The following IGDCC3 variants were observed in gnomAD, a reference collection of about 807,000 sequenced individuals.
IGDCC3 encodes putative neuronal cell adhesion molecule.
Under a neutral mutation model 72.0 loss-of-function variants are expected in IGDCC3, and 47 were observed. The observed-to-expected ratio is 0.65, with a 90% CI of 0.52 to 0.83. The LOEUF is 0.83. Among genes scored for constraint, IGDCC3 ranks in the 40% least tolerant of loss-of-function variants. The pLI is 0.00. For missense variants in IGDCC3, 1,038 were observed against 1,091.3 expected, an observed-to-expected ratio of 0.95 and a Z score of 0.69; for synonymous variants, 477 against 472.8, an observed-to-expected ratio of 1.01 and a Z score of -0.11.
At chr15:65,355,033 GAAT>G (rs2140159048) in intron 2 of IGDCC3, among the ~76,000 whole-genome samples, 1 of 152,316 alleles carries the variant, frequency 6.6e-6, no homozygotes, top group Admixed American at 6.5e-5. Flanking sequence ...AAGTTCTTGG[GAAT>G]CCGGACCAGG....
chr15:65,337,403 C>T (rs1291178353), intron 2 of IGDCC3, among the ~76,000 whole-genome samples: 5 of 152,158 alleles, frequency 3.3e-5, no homozygotes, highest in Non-Finnish European at 7.4e-5. Context: ...GACGGGAATC[C>T]GTCCACTGCT....
chr15:65,376,252 A>G (rs1005677462), intron 1 of IGDCC3, among the ~76,000 whole-genome samples: 4 of 152,240 alleles, frequency 2.6e-5, no homozygotes, highest in African/African-American at 9.6e-5. Context: ...CCTGCAGAAG[A>G]GAAATGAGCA....
chr15:65,362,808 G>A (rs1567070604), intron 2 of IGDCC3, among the ~76,000 whole-genome samples: 2 of 150,208 alleles, frequency 1.3e-5, no homozygotes, highest in African/African-American at 2.4e-5. Context: ...CTGTCGGGGT[G>A]AGAATACATG....
intron 2 of IGDCC3, among the ~76,000 whole-genome samples, chr15:65,360,592 C>T (rs769913898): frequency 7.2e-5 from 11 of 151,984 alleles, no homozygotes; most frequent in Non-Finnish European, 1.3e-4. Flanking sequence ...CAAAAATAAC[C>T]CAAGTTGGGG....
intron 2 of IGDCC3, among the ~76,000 whole-genome samples, chr15:65,343,533 T>C (rs1190097212): frequency 6.6e-6 from 1 of 152,162 alleles, no homozygotes; most frequent in Non-Finnish European, 1.5e-5. Flanking sequence ...CACTGGGTAA[T>C]TGAGGCCTTG....
intron 2 of IGDCC3, among the ~76,000 whole-genome samples, chr15:65,370,506 CAA>C (rs201261288): frequency 0.088 from 2,903 of 33,076 alleles, 107 homozygotes; most frequent in African/African-American, 0.21. Context: ...GACTTGGTCT[CAA>C]AAAAAAAATA....
rs1380712353 is a variant in IGDCC3, at chr15:65,330,759, G to A, written c.1562-18C>T. On this transcript the variant is annotated intron_variant, in intron 9 of 13. Transcript: ENST00000327987. ...GGCAGGGGCTGCAGGTAGAGAAGGA[G>A]GCCACGATGTGAGGACCCAGTGGAA... The A allele has an allele frequency of 3.2e-6, 5 of 1,576,688 alleles. No individual in the cohort carries two copies. The highest frequency in any genetic ancestry group is 1.3e-5 in the African/African-American group (1 of 74,198).
intron 2 of IGDCC3, among the ~76,000 whole-genome samples, chr15:65,350,773 C>G (rs1200056405): frequency 2.0e-5 from 3 of 152,196 alleles, no homozygotes; most frequent in Admixed American, 6.6e-5. Flanking sequence ...AGAGTCAGCT[C>G]TTATCTGCAC....
At chr15:65,348,187 A>T (rs2091142144) in intron 2 of IGDCC3, among the ~76,000 whole-genome samples, 1 of 152,184 alleles carries the variant, frequency 6.6e-6, no homozygotes, top group African/African-American at 2.4e-5. Flanking sequence ...ATCATCAAGA[A>T]ATAACCATAA....
At chr15:65,372,889 G>T (rs1323552689) in intron 2 of IGDCC3, among the ~76,000 whole-genome samples, 1 of 152,160 alleles carries the variant, frequency 6.6e-6, no homozygotes, top group Non-Finnish European at 1.5e-5. Context: ...ACCGTTGCTT[G>T]GCATCTGAGC....
chr15:65,358,159 A>G (rs896842093), intron 2 of IGDCC3, among the ~76,000 whole-genome samples: 7 of 150,226 alleles, frequency 4.7e-5, no homozygotes, highest in Admixed American at 1.3e-4. Context: ...AGGCTGGAGT[A>G]CGGTGGCGTG....
intron 2 of IGDCC3, chr15:65,356,072 G>A (rs76185795): frequency 0.011 from 2,879 of 251,924 alleles, 67 homozygotes; most frequent in East Asian, 0.11. Flanking sequence ...TCTCAGGGGC[G>A]CTCTAACTGA....
chr15:65,370,347 C>G (rs2091314670), intron 2 of IGDCC3, among the ~76,000 whole-genome samples: 1 of 151,332 alleles, frequency 6.6e-6, no homozygotes, highest in Non-Finnish European at 1.5e-5. Context: ...AACCCTGTCT[C>G]TACTAAAAAT....
At position 65,331,566 on chromosome 15, in the gene IGDCC3, C is replaced by T; in HGVS notation, c.1242G>A (p.Arg414=). ...NSAGSSQASA[R]LTVLWAEGLP... is the part of the protein sequence containing the mutation. ...GCCCCTCAGCCCACAGTACGGTCAG[C>T]CTGGCACTGGCCTGTGATGAGCCCG... Residue 414 remains arginine (R), a synonymous_variant, in exon 8 of 14, where the codon AGG becomes AGA. Coordinates refer to ENST00000327987, the MANE Select transcript of IGDCC3 (RefSeq NM_004884.4). 1 of 1,613,690 alleles carries T rather than the reference C, an allele frequency of 6.2e-7. No homozygotes were observed. The highest frequency in any genetic ancestry group is 8.5e-7 in the Non-Finnish European group (1 of 1,179,842).
In IGDCC3 at chr15:65,331,427, T is replaced by C. The variant is rs2090976944; in HGVS notation, c.1381A>G (p.Ile461Val). The C allele has an allele frequency of 5.0e-6, 8 of 1,605,976 alleles. No homozygotes were observed. In the East Asian group the frequency reaches 1.6e-4, roughly 31 times the overall value. ...TKEIIGYVLH[I>V]RKAADPPELE... ...CCACGCGCACCAGCAGCCTTCCTGATGTGCAGGACGTAGCCGATGATCTCC... is the reference window on the plus strand; with the variant it reads ...CCACGCGCACCAGCAGCCTTCCTGACGTGCAGGACGTAGCCGATGATCTCC... Residue 461 changes from isoleucine (I) to valine (V), a missense_variant, in exon 8 of 14, where the codon ATC becomes GTC. Transcript: ENST00000327987.
rs528625441 is a variant in IGDCC3 at position 65,329,681 on chromosome 15, T to C, written c.1997+45A>G. On this transcript the variant is annotated intron_variant, in intron 12 of 13. Transcript: ENST00000327987. The surrounding 1 kb of genome is among the most constrained non-coding windows in gnomAD (Gnocchi z 4.1). Reference sequence around the variant, plus strand: ...CCACACTCACCTTCTCTAGGCCTAGTCCCCCACACACCAGCCCAGCCCCTC... The same window carrying C: ...CCACACTCACCTTCTCTAGGCCTAGCCCCCCACACACCAGCCCAGCCCCTC... The C allele has an allele frequency of 1.2e-6, 2 of 1,612,482 alleles. No individual in the cohort carries two copies. Among genetic ancestry groups the C allele is most frequent in the Admixed American group, 3.3e-5 (2 of 59,926 alleles).
intron 2 of IGDCC3, among the ~76,000 whole-genome samples, chr15:65,360,531 G>A (rs1393127687): frequency 2.6e-5 from 4 of 151,270 alleles, no homozygotes; most frequent in Non-Finnish European, 5.9e-5. Context: ...GAAGGGAATT[G>A]TTGCAGAAAG....
chr15:65,372,537 G>A (rs534244101), intron 2 of IGDCC3, among the ~76,000 whole-genome samples: 7 of 151,338 alleles, frequency 4.6e-5, no homozygotes, highest in Admixed American at 6.6e-5. Context: ...CCAACCATCC[G>A]CCTCTGGCCC....
chr15:65,335,116 A>T (rs1384785962), intron 4 of IGDCC3, among the ~76,000 whole-genome samples, 175 bp downstream of exon 4: 1 of 152,206 alleles, frequency 6.6e-6, no homozygotes, highest in Non-Finnish European at 1.5e-5. Flanking sequence ...GAAATGAGCC[A>T]GAGATCCAGC....
Sources: gnomAD v4.1 joint callset for allele counts (sites outside exome capture counted in the v4.1 genomes callset) on GRCh38, gnomAD v4.1.1 for gene constraint, Gnocchi (gnomAD v3.1) non-coding constraint, MANE v1.5 for transcripts, NCBI Gene and HGNC (gene_info 2026-07-23, HGNC 2026-07-21) for gene names.